ZNF326: variants seen among roughly 807,000 people sequenced by gnomAD.
The protein encoded by ZNF326 is DBIRD complex subunit ZNF326.
A neutral mutation model predicts 63.1 loss-of-function variants in ZNF326; 30 were observed. The observed-to-expected ratio is 0.48, with a 90% CI of 0.36 to 0.64. ZNF326 has a LOEUF of 0.64. Among genes scored for constraint, ZNF326 ranks in the 30% least tolerant of loss-of-function variants. The pLI is 0.00. For missense variants in ZNF326, 609 were observed against 720.3 expected, an observed-to-expected ratio of 0.85 and a Z score of 1.77; for synonymous variants, 194 against 228.2, an observed-to-expected ratio of 0.85 and a Z score of 1.35.
intron 5 of ZNF326, 117 bp from the exon 6 acceptor site, chr1:90,009,969 GTT>G: frequency 1.1e-6 from 1 of 928,216 alleles, no homozygotes; most frequent in South Asian, 1.9e-5. Flanking sequence ...GTAAAATTTA[GTT>G]ACATTCCAGG....
At chr1:89,996,905 G>A (rs1302064419) in intron 1 of ZNF326, among the ~76,000 whole-genome samples, 8 of 152,226 alleles carry the variant, frequency 5.3e-5, no homozygotes, top group Middle Eastern at 3.2e-3. Context: ...TGGAGGTGGG[G>A]CAGTAGAAAC....
At chr1:90,010,805 T>C (rs551065101) in intron 6 of ZNF326, among the ~76,000 whole-genome samples, 4 of 152,178 alleles carry the variant, frequency 2.6e-5, no homozygotes, top group Non-Finnish European at 5.9e-5. Context: ...CCTCAAAATA[T>C]ATTTTCTATA....
At chr1:90,001,666 G>C (rs1369623261) in intron 2 of ZNF326, among the ~76,000 whole-genome samples, 1 of 150,298 alleles carries the variant, frequency 6.7e-6, no homozygotes, top group Non-Finnish European at 1.5e-5. Flanking sequence ...CAATTCTTTT[G>C]CCTCAGCCTC....
At chr1:90,009,942 T>G in intron 5 of ZNF326, 146 bp from the exon 6 acceptor site, 1 of 686,622 alleles carries the variant, frequency 1.5e-6, no homozygotes, top group South Asian at 2.2e-5. Flanking sequence ...TTCAATGTGT[T>G]TTTTCAGAAT....
chr1:90,013,346 T>C, intron 7 of ZNF326, 109 bp downstream of exon 7: 1 of 822,666 alleles, frequency 1.2e-6, no homozygotes, highest in Non-Finnish European at 1.8e-6. Context: ...ATGAAAAGAC[T>C]TGTTCAAAGA....
chr1:90,021,440 G>T (rs890036603), intron 10 of ZNF326, among the ~76,000 whole-genome samples: 1 of 151,958 alleles, frequency 6.6e-6, no homozygotes, highest in African/African-American at 2.4e-5. Context: ...TGATGGTTGG[G>T]AAAAATACAT....
At chr1:90,013,558 C>T (rs1003745750) in intron 7 of ZNF326, among the ~76,000 whole-genome samples, 3 of 152,152 alleles carry the variant, frequency 2.0e-5, no homozygotes, top group Non-Finnish European at 2.9e-5. Context: ...TTAAATATTA[C>T]AAATATGTAA....
chr1:90,020,368 C>T (rs1205316308), intron 9 of ZNF326, among the ~76,000 whole-genome samples: 1 of 152,002 alleles, frequency 6.6e-6, no homozygotes, highest in Non-Finnish European at 1.5e-5. Context: ...TAATAAACCC[C>T]GGTCACCATT....
At chr1:90,004,865 A>G (rs1018730398) in intron 2 of ZNF326, 138 bp from the exon 3 acceptor site, 11 of 280,984 alleles carry the variant, frequency 3.9e-5, no homozygotes, top group Admixed American at 7.4e-5. Flanking sequence ...TTTTCCCTTC[A>G]GCATTTAGTG....
chr1:90,006,152 T>C, intron 4 of ZNF326: 1 of 985,464 alleles, frequency 1.0e-6, no homozygotes. Context: ...CTATGGTTTA[T>C]AGTAAAGAAA....
chr1:90,025,151 T>C (rs1214898672), intron 11 of ZNF326, among the ~76,000 whole-genome samples: 2 of 152,162 alleles, frequency 1.3e-5, no homozygotes, highest in African/African-American at 4.8e-5. Context: ...GCTTCCTCTC[T>C]ATTATTCACT....
chr1:90,006,435 T>G (rs555093847), intron 4 of ZNF326: 1 of 985,414 alleles, frequency 1.0e-6, no homozygotes, highest in South Asian at 4.7e-5. Context: ...AATTGTGTTG[T>G]AAGATATCAA....
intron 6 of ZNF326, among the ~76,000 whole-genome samples, chr1:90,011,020 A>G (rs1183218444): frequency 1.3e-5 from 2 of 152,162 alleles, no homozygotes; most frequent in Non-Finnish European, 1.5e-5. Flanking sequence ...AGACATTACT[A>G]TAATAGAAAA....
chr1:90,025,436 C>T (rs962167244), intron 11 of ZNF326, among the ~76,000 whole-genome samples: 5 of 152,148 alleles, frequency 3.3e-5, no homozygotes, highest in Admixed American at 3.3e-4. Flanking sequence ...AGCTAGGCCA[C>T]ACCCAGCTAA....
In ZNF326 at chr1:90,005,135, A is replaced by T. The variant is rs1648915855; in HGVS notation, c.100A>T (p.Met34Leu). ...TTTTTCTTTTTAAACTCTTATAGGG[A>T]TGGATCGTGACTATGGCCATGGATC... is the stretch of plus-strand genomic sequence containing the variant. The part of the protein sequence containing the change: ...RDYGPGSYGG[M>L]DRDYGHGSYG... Residue 34 changes from methionine (M) to leucine (L), a missense_variant and splice_region_variant, in exon 4 of 12, where the codon ATG becomes TTG. By Grantham distance (15) the Met-to-Leu change is conservative. Transcript: ENST00000340281. 1.9e-6 allele frequency: 3 copies of T among 1,613,822 alleles called. No individual in the cohort carries two copies. Among genetic ancestry groups the T allele is most frequent in the Non-Finnish European group, 2.5e-6 (3 of 1,179,976 alleles).
chr1:90,032,504 A>G lies in ZNF326; in HGVS notation c.*4803A>G, dbSNP rs537654255. On this transcript the variant is annotated 3_prime_UTR_variant, in exon 12 of 12. Coordinates refer to ENST00000340281, the MANE Select transcript of ZNF326 (RefSeq NM_182976.4). ...CTATTAAAATTGTAGAGGAGATACA[A>G]TAATACAAATTTCAGCAATAAGGAT... 6.6e-6 allele frequency: 1 copy of G among 152,354 alleles called. No homozygotes were observed. The highest frequency in any genetic ancestry group is 2.1e-4 in the South Asian group (1 of 4,826). 9.4% of individuals were successfully genotyped at this position (152,354 alleles called of 1,614,324 possible).
rs1367129701 is a variant in ZNF326, at chr1:89,995,207, G to C, written c.-51G>C. 3 of 1,529,268 alleles carry C rather than the reference G, an allele frequency of 2.0e-6. No individual in the cohort carries two copies. The highest frequency in any genetic ancestry group is 2.6e-6 in the Non-Finnish European group (3 of 1,141,286). The allele number at this position is 1,529,268 out of a possible 1,614,324, so 94.7% of individuals were successfully genotyped here. A position where few individuals can be genotyped will look rare whatever the true frequency, so the allele number is the denominator to read the frequency against. ...TCGCGGGTCGCGGACGCTCGCCGCC[G>C]GCCATAGCTCAGCCTAGCGCCGCCA... is the stretch of plus-strand genomic sequence containing the variant. On this transcript the variant is annotated 5_prime_UTR_variant, in exon 1 of 12. Coordinates refer to ENST00000340281, the MANE Select transcript of ZNF326 (RefSeq NM_182976.4).
intron 11 of ZNF326, 48 bp from the exon 12 acceptor site, chr1:90,027,306 T>G: frequency 6.4e-7 from 1 of 1,561,100 alleles, no homozygotes; most frequent in Non-Finnish European, 8.8e-7. Context: ...TGCCAGATCA[T>G]GTAATAATGA....
At position 90,034,836 on chromosome 1, in the gene ZNF326, ACG is replaced by A. The variant is rs1650419480; in HGVS notation, c.*7136_*7137del. 2.6e-5 allele frequency: 4 copies of A among 152,058 alleles called. No homozygotes were observed. Among genetic ancestry groups the A allele is most frequent in the African/African-American group, 9.7e-5 (4 of 41,318 alleles). The allele number at this position is 152,058 out of a possible 1,614,324, so 9.4% of individuals were successfully genotyped here. ...AGATAGCTATAGACCAGTCTCACTT[ACG>A]AACAAATGTAATTTGTTGAAACTGG... On this transcript the variant is annotated 3_prime_UTR_variant, in exon 12 of 12. Transcript: ENST00000340281.
Sources: allele counts gnomAD v4.1 joint callset (sites outside exome capture counted in the v4.1 genomes callset), GRCh38; gene constraint gnomAD v4.1.1; transcripts MANE v1.5; gene names NCBI Gene and HGNC (gene_info 2026-07-23, HGNC 2026-07-21).